The following ADGRL2 variants were observed in gnomAD, a reference collection of about 807,000 sequenced individuals.
ADGRL2 encodes the protein calcium-independent alpha-latrotoxin receptor 2.
Under a neutral mutation model 157.4 loss-of-function variants are expected in ADGRL2, and 44 were observed. The ratio of observed to expected loss-of-function variants is 0.28; its 90% CI spans 0.22 to 0.36. The LOEUF (loss-of-function observed/expected upper bound fraction) is 0.36, where lower values mean the gene tolerates loss of function less well. Ranked by LOEUF, ADGRL2 falls within the 10% of genes least tolerant of loss-of-function variation. The pLI, the probability that ADGRL2 is intolerant of heterozygous loss-of-function variation, is 1.00. For missense variants in ADGRL2, 1,510 were observed against 1,768.9 expected (o/e 0.85, Z 2.63); for synonymous variants, 585 against 624.7 (o/e 0.94, Z 0.95).
At chr1:81,891,139 C>T (rs975716252) in intron 2 of ADGRL2, among the ~76,000 whole-genome samples, 2 of 151,674 alleles carry the variant, frequency 1.3e-5, no homozygotes, top group African/African-American at 4.8e-5. Flanking sequence ...TCTGGGAACC[C>T]ATTCCCAAAT....
chr1:81,726,685 G>A (rs760130584), intron 1 of ADGRL2, among the ~76,000 whole-genome samples: 8 of 152,086 alleles, frequency 5.3e-5, no homozygotes, highest in East Asian at 1.9e-4. Context: ...TTCACTATAC[G>A]TACTCTAAAA....
intron 2 of ADGRL2, among the ~76,000 whole-genome samples, chr1:81,523,808 A>T (rs2079382322): frequency 6.6e-6 from 1 of 152,200 alleles, no homozygotes; most frequent in African/African-American, 2.4e-5. Context: ...TTGTGCCTGT[A>T]ATCCCAGCAC....
intron 1 of ADGRL2, among the ~76,000 whole-genome samples, chr1:81,738,364 TGATTGCTCCAGTGCAGGGACAGCTCAACA>T (rs529360750): frequency 4.1e-3 from 624 of 152,306 alleles, no homozygotes; most frequent in Non-Finnish European, 7.5e-3. Context: ...AGTCTCATTC[TGATTGCTCCAGTGCAGGGACAGCTCAACA>T]ACAAGGAAGG....
intron 2 of ADGRL2, among the ~76,000 whole-genome samples, chr1:81,522,384 T>C (rs901027005): frequency 2.0e-5 from 3 of 152,162 alleles, no homozygotes; most frequent in African/African-American, 4.8e-5. Flanking sequence ...AGTGATTAAG[T>C]GATTAAGGAA....
intron 2 of ADGRL2, among the ~76,000 whole-genome samples, chr1:81,495,779 G>A (rs997998875): frequency 1.2e-4 from 18 of 152,086 alleles, no homozygotes; most frequent in Middle Eastern, 3.2e-3. Context: ...AACTAAATGC[G>A]GTGCAAGAAA....
intron 1 of ADGRL2, among the ~76,000 whole-genome samples, chr1:81,730,264 C>A (rs982330009): frequency 6.6e-6 from 1 of 152,100 alleles, no homozygotes. Flanking sequence ...TTGCCTTAAC[C>A]CTTTTTACCC....
intron 1 of ADGRL2, among the ~76,000 whole-genome samples, chr1:81,309,332 C>A (rs1407631256): frequency 2.0e-5 from 3 of 152,132 alleles, no homozygotes; most frequent in Non-Finnish European, 4.4e-5. Flanking sequence ...TTGTACACCA[C>A]CACTATGGGG....
rs151310062 is a variant in ADGRL2 at position 81,573,068 on chromosome 1, C to A, written c.-247-7808C>A. 1.2e-3 allele frequency among the ~76,000 whole-genome samples: 177 copies of A among 151,732 alleles called. No individual in the cohort carries two copies. The East Asian group carries it at 0.032, about 28-fold the overall frequency. On this transcript the variant is annotated intron_variant, in intron 2 of 24. Transcript: ENST00000370721. ...CTTTAAGTGAAATATTAAATAAATC[C>A]TTTTGTTATGCAAGAGAGTATTTTT...
chr1:81,888,600 G>T (rs546065055), intron 2 of ADGRL2, among the ~76,000 whole-genome samples: 1 of 151,944 alleles, frequency 6.6e-6, no homozygotes, highest in African/African-American at 2.4e-5. Flanking sequence ...CACCGCGCCC[G>T]GCTAATTTTG....
At chr1:81,842,290 C>T in intron 2 of ADGRL2, among the ~76,000 whole-genome samples, 1 of 150,558 alleles carries the variant, frequency 6.6e-6, no homozygotes, top group Admixed American at 6.6e-5. Context: ...TCTTTATTCC[C>T]CTGATTAGGC....
In ADGRL2 at chr1:81,839,171, T is replaced by C. The variant is rs569285496; in HGVS notation, c.73+2114T>C. Reference sequence around the variant, plus strand: ...AGTTTCTTTTGGGCCCTTACATGATTGTAACCTTTTAACATCTTACACAGT... The same window carrying C: ...AGTTTCTTTTGGGCCCTTACATGATCGTAACCTTTTAACATCTTACACAGT... On this transcript the variant is annotated intron_variant, in intron 2 of 23. Transcript: ENST00000686636. Among the ~76,000 whole-genome samples the C allele has an allele frequency of 4.6e-5, 7 of 152,174 alleles. No individual in the cohort carries two copies. The East Asian group carries it at 1.4e-3, about 29-fold the overall frequency.
chr1:81,400,084 T>C (rs1024087486), intron 1 of ADGRL2, among the ~76,000 whole-genome samples: 4 of 152,158 alleles, frequency 2.6e-5, no homozygotes, highest in Non-Finnish European at 5.9e-5. Context: ...TGGTCTAGGC[T>C]ATAGAAGTCT....
intron 1 of ADGRL2, among the ~76,000 whole-genome samples, chr1:81,316,130 CA>C (rs1169587245): frequency 3.4e-4 from 37 of 107,778 alleles, no homozygotes; most frequent in East Asian, 4.8e-4. Flanking sequence ...ACCAAAAAAA[CA>C]AAAAAAAAAA....
At chr1:81,541,799 A>AC (rs1457622297) in intron 2 of ADGRL2, among the ~76,000 whole-genome samples, 1 of 151,490 alleles carries the variant, frequency 6.6e-6, no homozygotes, top group Non-Finnish European at 1.5e-5. Context: ...AAAAAAAAAA[A>AC]AAAACAAAAT....
intron 2 of ADGRL2, among the ~76,000 whole-genome samples, chr1:81,484,456 T>A (rs2078457217): frequency 6.6e-6 from 1 of 152,162 alleles, no homozygotes. Context: ...GATAGCAGAC[T>A]TGTTCCACTA....
chr1:81,725,497 C>T (rs2084491770), intron 1 of ADGRL2, among the ~76,000 whole-genome samples: 1 of 151,962 alleles, frequency 6.6e-6, no homozygotes, highest in African/African-American at 2.4e-5. Context: ...TGAGATCATG[C>T]CATTTCACTC....
At chr1:81,860,768 G>T (rs545875712) in intron 2 of ADGRL2, among the ~76,000 whole-genome samples, 1 of 152,236 alleles carries the variant, frequency 6.6e-6, no homozygotes, top group Admixed American at 6.5e-5. Context: ...TATTTATGCT[G>T]ACTTTCAGCC....
intron 1 of ADGRL2, among the ~76,000 whole-genome samples, chr1:81,433,541 G>C (rs747884327): frequency 2.0e-5 from 3 of 152,294 alleles, no homozygotes; most frequent in Non-Finnish European, 4.4e-5. Flanking sequence ...TCTTACTCTA[G>C]GGTTAGGCTG....
intron 1 of ADGRL2, among the ~76,000 whole-genome samples, chr1:81,743,392 GGTTT>G (rs1392655767): frequency 1.1e-5 from 1 of 92,490 alleles, no homozygotes; most frequent in African/African-American, 5.1e-5. Flanking sequence ...AATAACAGAA[GGTTT>G]TTTTTTTTTT....
Sources: gnomAD v4.1 joint callset for allele counts (sites outside exome capture counted in the v4.1 genomes callset) on GRCh38, gnomAD v4.1.1 for gene constraint, MANE v1.5 for transcripts, NCBI Gene and HGNC (gene_info 2026-07-23, HGNC 2026-07-21) for gene names.